Variants in CCBE1 observed in about 807,000 individuals in gnomAD.
CCBE1 encodes the protein collagen and calcium-binding EGF domain-containing protein 1.
Under a neutral mutation model 50.0 loss-of-function variants are expected in CCBE1, and 37 were observed. The ratio of observed to expected loss-of-function variants is 0.74; its 90% CI spans 0.57 to 0.97. The LOEUF (loss-of-function observed/expected upper bound fraction) is 0.97. Among genes scored for constraint, CCBE1 ranks in the 50% least tolerant of loss-of-function variants. The pLI, the probability that CCBE1 is intolerant of heterozygous loss-of-function variation, is 0.00. For synonymous variants in CCBE1, 234 were observed against 203.7 expected (o/e 1.15, Z -1.27); for missense variants, 538 against 523.8 (o/e 1.03, Z -0.26).
At chr18:59,525,722 T>G (rs1445650157) in intron 2 of CCBE1, among the ~76,000 whole-genome samples, 1 of 152,228 alleles carries the variant, frequency 6.6e-6, no homozygotes, top group African/African-American at 2.4e-5. Flanking sequence ...TTTATAGTTT[T>G]GGGGTTTACA....
At chr18:59,618,798 G>A (rs2053672339) in intron 2 of CCBE1, among the ~76,000 whole-genome samples, 2 of 152,198 alleles carry the variant, frequency 1.3e-5, no homozygotes, top group South Asian at 4.1e-4. Flanking sequence ...TAGGATAAGA[G>A]GAAGTGCTCA....
intron 2 of CCBE1, among the ~76,000 whole-genome samples, chr18:59,588,063 G>A (rs137971555): frequency 6.6e-6 from 1 of 152,314 alleles, no homozygotes; most frequent in Admixed American, 6.5e-5. Flanking sequence ...TTCATCTATA[G>A]ATTGAATAAA....
chr18:59,640,222 C>T (rs2053968613), intron 2 of CCBE1, among the ~76,000 whole-genome samples: 1 of 152,188 alleles, frequency 6.6e-6, no homozygotes, highest in African/African-American at 2.4e-5. Flanking sequence ...CATCACATTA[C>T]CTGACTTCAA....
chr18:59,511,477 G>A, intron 2 of CCBE1, among the ~76,000 whole-genome samples: 1 of 152,196 alleles, frequency 6.6e-6, no homozygotes, highest in East Asian at 1.9e-4. Flanking sequence ...AATCAAATTT[G>A]CTTAGGAGGT....
At chr18:59,689,772 A>G (rs1265971935) in intron 2 of CCBE1, among the ~76,000 whole-genome samples, 3 of 152,246 alleles carry the variant, frequency 2.0e-5, no homozygotes, top group African/African-American at 7.2e-5. Context: ...CACAGGTCAC[A>G]TGAGAAAATA....
At chr18:59,579,857 T>C (rs979530319) in intron 2 of CCBE1, among the ~76,000 whole-genome samples, 2 of 152,126 alleles carry the variant, frequency 1.3e-5, no homozygotes, top group African/African-American at 4.8e-5. Flanking sequence ...ACCTCGAACA[T>C]ACTGAGCCAC....
At chr18:59,441,355 C>CA (rs149692947) in intron 7 of CCBE1, among the ~76,000 whole-genome samples, 18,991 of 151,788 alleles carry the variant, frequency 0.13, 1,233 homozygotes, top group African/African-American at 0.14. Context: ...ACTAAAAATA[C>CA]AAAAATTAGT....
chr18:59,528,607 G>A lies in CCBE1; in HGVS notation c.213-48369C>T, dbSNP rs138015805. ...TTTTCTCAATTTTCATGAGTTCATC[G>A]AGCTTTGATCTTTGAGGCTGCTGAC... On this transcript the variant is annotated intron_variant, in intron 2 of 10. Coordinates refer to ENST00000439986, the MANE Select transcript of CCBE1 (RefSeq NM_133459.4). 1.4e-3 allele frequency among the ~76,000 whole-genome samples: 220 copies of A among 152,156 alleles called. 2 individuals carry two copies. Among genetic ancestry groups the A allele is most frequent in the Admixed American group, 3.7e-3 (57 of 15,274 alleles).
intron 2 of CCBE1, among the ~76,000 whole-genome samples, chr18:59,622,796 C>A (rs1599073068): frequency 7.9e-6 from 1 of 126,678 alleles, no homozygotes; most frequent in Admixed American, 9.0e-5. Context: ...AGAGAGATTC[C>A]ATCTCAAAAA....
At chr18:59,559,637 G>A (rs1033838881) in intron 2 of CCBE1, among the ~76,000 whole-genome samples, 2 of 152,180 alleles carry the variant, frequency 1.3e-5, no homozygotes, top group Non-Finnish European at 2.9e-5. Flanking sequence ...CCTTGGCTTG[G>A]GGGACTCCAA....
chr18:59,625,643 G>A (rs1162100607), intron 2 of CCBE1, among the ~76,000 whole-genome samples: 1 of 152,144 alleles, frequency 6.6e-6, no homozygotes, highest in East Asian at 1.9e-4. Context: ...CTTGAATGCA[G>A]AACCAGCTGC....
chr18:59,454,660 CATT>C (rs1454328970), intron 6 of CCBE1, among the ~76,000 whole-genome samples, 188 bp downstream of exon 6: 12 of 152,372 alleles, frequency 7.9e-5, no homozygotes, highest in Admixed American at 2.0e-4. Flanking sequence ...CCCTTGCCAT[CATT>C]GTGTCCTGAT....
intron 2 of CCBE1, among the ~76,000 whole-genome samples, chr18:59,540,789 C>T (rs760028211): frequency 3.9e-5 from 6 of 152,134 alleles, no homozygotes; most frequent in Admixed American, 6.5e-5. Context: ...GAGTTAAGTA[C>T]TCATAACAGA....
intron 2 of CCBE1, among the ~76,000 whole-genome samples, chr18:59,594,228 CCTT>C (rs1165892908): frequency 1.3e-5 from 2 of 152,238 alleles, no homozygotes; most frequent in Non-Finnish European, 2.9e-5. Flanking sequence ...CCTCCGTCCT[CCTT>C]CTACAAATGA....
At chr18:59,682,803 C>G (rs1488633735) in intron 2 of CCBE1, among the ~76,000 whole-genome samples, 2 of 152,360 alleles carry the variant, frequency 1.3e-5, no homozygotes, top group East Asian at 3.9e-4. Flanking sequence ...TTGGATGACC[C>G]TCAGTTCTAA....
chr18:59,487,772 A>G (rs1288194367), intron 2 of CCBE1, among the ~76,000 whole-genome samples: 1 of 152,234 alleles, frequency 6.6e-6, no homozygotes, highest in Non-Finnish European at 1.5e-5. Flanking sequence ...ATCAAATGAG[A>G]AAAACAATAT....
intron 2 of CCBE1, among the ~76,000 whole-genome samples, chr18:59,591,383 C>G (rs1224424527): frequency 1.4e-5 from 2 of 146,576 alleles, no homozygotes; most frequent in African/African-American, 4.9e-5. Context: ...ATGCCATAAG[C>G]AAAGTCAAAG....
chr18:59,651,194 ACAAT>A (rs1301340100), intron 2 of CCBE1, among the ~76,000 whole-genome samples: 1 of 152,246 alleles, frequency 6.6e-6, no homozygotes, highest in East Asian at 1.9e-4. Flanking sequence ...CTCACCAATT[ACAAT>A]GTGTTCCAGG....
intron 2 of CCBE1, among the ~76,000 whole-genome samples, chr18:59,595,210 TCTA>T (rs2053334044): frequency 6.7e-6 from 1 of 150,308 alleles, no homozygotes; most frequent in East Asian, 1.9e-4. Flanking sequence ...CTGGCCAGTA[TCTA>T]CTGTTTTTTG....
Sources: gnomAD v4.1 joint callset for allele counts (sites outside exome capture counted in the v4.1 genomes callset) on GRCh38, gnomAD v4.1.1 for gene constraint, MANE v1.5 for transcripts, NCBI Gene and HGNC (gene_info 2026-07-23, HGNC 2026-07-21) for gene names.